Variants in C12orf42 observed in about 807,000 individuals in gnomAD.
C12orf42 encodes the protein uncharacterized protein C12orf42.
C12orf42 carries 25 observed loss-of-function variants against 21.6 expected under a neutral mutation model. That is an observed-to-expected ratio of 1.16 (90% confidence interval 0.84 to 1.62). The LOEUF is 1.62. Among genes scored for constraint, C12orf42 ranks in the 40% most tolerant of loss-of-function variants. C12orf42 has a pLI of 0.00. For missense variants in C12orf42, 483 were observed against 459.3 expected (o/e 1.05, Z -0.47); for synonymous variants, 174 against 175.0 (o/e 0.99, Z 0.05).
At chr12:103,540,967 A>G in the C12orf42 span, among the ~76,000 whole-genome samples, 1 of 151,938 alleles carries the variant, frequency 6.6e-6, no homozygotes. Flanking sequence ...GCAGTGGTGC[A>G]GTCTTGGCTC....
At chr12:103,372,293 G>A (rs1314183561) in intron 3 of C12orf42, among the ~76,000 whole-genome samples, 1 of 152,064 alleles carries the variant, frequency 6.6e-6, no homozygotes, top group East Asian at 1.9e-4. Flanking sequence ...CTTCTTAATA[G>A]TGTTCATTGA....
intron 4 of C12orf42, among the ~76,000 whole-genome samples, chr12:103,289,234 G>T (rs2036647686): frequency 6.6e-6 from 1 of 152,070 alleles, no homozygotes; most frequent in Non-Finnish European, 1.5e-5. Context: ...AATCTGTGTA[G>T]ATCTAATTCA....
intron 3 of C12orf42, among the ~76,000 whole-genome samples, chr12:103,386,862 T>G (rs1322681239): frequency 6.6e-6 from 1 of 151,934 alleles, no homozygotes; most frequent in Admixed American, 6.6e-5. Flanking sequence ...AACCCCAATC[T>G]CTTGGGAAAA....
the C12orf42 span, among the ~76,000 whole-genome samples, chr12:103,091,439 C>T: frequency 6.6e-6 from 1 of 151,478 alleles, no homozygotes; most frequent in African/African-American, 2.4e-5. Context: ...ACAGAGCACT[C>T]TTGTCGTTCT....
At chr12:103,539,161 C>T in the C12orf42 span, among the ~76,000 whole-genome samples, 10 of 152,086 alleles carry the variant, frequency 6.6e-5, no homozygotes, top group Admixed American at 5.9e-4. Context: ...TAATGTTTAC[C>T]ATGATGTAAT....
At chr12:103,446,281 A>G (rs916615025) in intron 2 of C12orf42, among the ~76,000 whole-genome samples, 2 of 152,014 alleles carry the variant, frequency 1.3e-5, no homozygotes, top group African/African-American at 4.8e-5. Flanking sequence ...ATAAATGAAA[A>G]AAAGATACAG....
chr12:103,558,432 C>T, the C12orf42 span: 1 of 152,366 alleles, frequency 6.6e-6, no homozygotes, highest in Non-Finnish European at 1.5e-5. Context: ...ATGGATCCAG[C>T]CTGTCCAGGC....
intron 4 of C12orf42, among the ~76,000 whole-genome samples, chr12:103,332,646 T>C (rs2041343872): frequency 6.6e-6 from 1 of 152,264 alleles, no homozygotes; most frequent in Non-Finnish European, 1.5e-5. Context: ...TGCCAATGTA[T>C]CCTCAGTAAT....
chr12:103,297,842 A>G (rs2037405048), downstream of C12orf42, among the ~76,000 whole-genome samples: 1 of 150,774 alleles, frequency 6.6e-6, no homozygotes, highest in Non-Finnish European at 1.5e-5. Context: ...AAACAGAACC[A>G]AAGACAAAAA....
At chr12:103,101,350 A>G in the C12orf42 span, among the ~76,000 whole-genome samples, 1 of 152,214 alleles carries the variant, frequency 6.6e-6, no homozygotes, top group Non-Finnish European at 1.5e-5. Flanking sequence ...CACCTCAGAT[A>G]AGCTCAAGAG....
intron 2 of C12orf42, among the ~76,000 whole-genome samples, chr12:103,428,596 G>C (rs911217372): frequency 2.0e-5 from 3 of 152,058 alleles, no homozygotes; most frequent in African/African-American, 7.2e-5. Flanking sequence ...AGAAAAAGAG[G>C]ACTCCTCCCT....
the C12orf42 span, among the ~76,000 whole-genome samples, chr12:103,130,873 T>A: frequency 6.6e-6 from 1 of 152,136 alleles, no homozygotes; most frequent in Non-Finnish European, 1.5e-5. Context: ...CCTGAGTAGG[T>A]TGTTGCATTG....
chr12:103,326,688 ATCT>A (rs1400367899), intron 4 of C12orf42, among the ~76,000 whole-genome samples: 3 of 152,096 alleles, frequency 2.0e-5, no homozygotes, highest in Non-Finnish European at 4.4e-5. Context: ...CATTGGCTCA[ATCT>A]TCTTGTCTCC....
At chr12:103,354,971 T>A (rs1006176215) in intron 4 of C12orf42, among the ~76,000 whole-genome samples, 2 of 152,164 alleles carry the variant, frequency 1.3e-5, no homozygotes, top group Non-Finnish European at 2.9e-5. Flanking sequence ...ATTACCCTGA[T>A]GTATCATTAC....
the C12orf42 span, among the ~76,000 whole-genome samples, chr12:103,543,063 T>A: frequency 6.6e-6 from 1 of 152,084 alleles, no homozygotes; most frequent in African/African-American, 2.4e-5. Flanking sequence ...TTGCCAAGGA[T>A]GAGGAGGTTG....
chr12:103,075,402 T>C, the C12orf42 span, among the ~76,000 whole-genome samples: 1 of 152,208 alleles, frequency 6.6e-6, no homozygotes, highest in Non-Finnish European at 1.5e-5. Context: ...AAAAGCATTG[T>C]AAGTACTTAC....
chr12:103,255,373 CAAACAA>C (rs1362667550), intron 10 of C12orf42, among the ~76,000 whole-genome samples: 1 of 151,882 alleles, frequency 6.6e-6, no homozygotes, highest in Non-Finnish European at 1.5e-5. Context: ...TCCGTCTCAA[CAAACAA>C]AAACAAAAAC....
chr12:103,278,150 C>G (rs934270844), intron 4 of C12orf42, among the ~76,000 whole-genome samples: 1 of 151,880 alleles, frequency 6.6e-6, no homozygotes, highest in African/African-American at 2.4e-5. Flanking sequence ...AAATGAAAAC[C>G]TTAGAAAAAG....
At chr12:103,412,935 T>A (rs1272139094) in intron 2 of C12orf42, among the ~76,000 whole-genome samples, 1 of 152,230 alleles carries the variant, frequency 6.6e-6, no homozygotes, top group Admixed American at 6.5e-5. Flanking sequence ...GATAGTTTCT[T>A]TTGCTGTGCA....
Sources: gnomAD v4.1 joint callset for allele counts (sites outside exome capture counted in the v4.1 genomes callset) on GRCh38, gnomAD v4.1.1 for gene constraint, MANE v1.5 for transcripts, NCBI Gene and HGNC (gene_info 2026-07-23, HGNC 2026-07-21) for gene names.